VRK2: variants seen among roughly 807,000 people sequenced by gnomAD.
VRK2 encodes VRK serine/threonine kinase 2, also known as serine/threonine-protein kinase VRK2.
In VRK2, 60 loss-of-function variants were observed where a neutral mutation model predicts 57.6. The observed-to-expected ratio is 1.04, with a 90% CI of 0.85 to 1.29. The LOEUF (loss-of-function observed/expected upper bound fraction) is 1.29, where lower values mean the gene tolerates loss of function less well. Among genes scored for constraint, VRK2 ranks in the 50% most tolerant of loss-of-function variants. The pLI, the probability that VRK2 is intolerant of heterozygous loss-of-function variation, is 0.00. For missense variants in VRK2, 705 were observed against 588.1 expected (o/e 1.20, Z -2.06); for synonymous variants, 231 against 199.2 (o/e 1.16, Z -1.35).
chr2:57,974,470 A>G (rs1039630360), intron 1 of VRK2, among the ~76,000 whole-genome samples: 1 of 151,874 alleles, frequency 6.6e-6, no homozygotes, highest in Non-Finnish European at 1.5e-5. Flanking sequence ...TCAAAAAGGC[A>G]GACAGGCCAT....
chr2:58,137,051 ATG>A (rs1417470435), intron 10 of VRK2, among the ~76,000 whole-genome samples: 3 of 127,518 alleles, frequency 2.4e-5, no homozygotes, highest in Non-Finnish European at 3.1e-5. Flanking sequence ...TATAATATAT[ATG>A]TGTATATATC....
intron 1 of VRK2, among the ~76,000 whole-genome samples, chr2:57,909,815 A>G (rs533306625): frequency 5.9e-5 from 9 of 152,292 alleles, no homozygotes; most frequent in African/African-American, 2.2e-4. Context: ...TTGATATTGC[A>G]TACTTTCTGA....
At chr2:58,035,581 T>G (rs145215278) in intron 3 of VRK2, among the ~76,000 whole-genome samples, 1 of 152,200 alleles carries the variant, frequency 6.6e-6, no homozygotes, top group African/African-American at 2.4e-5. Flanking sequence ...GAATCAGCAC[T>G]GTCATAAATA....
At chr2:58,019,732 C>G (rs891037895) in intron 1 of VRK2, among the ~76,000 whole-genome samples, 3 of 152,198 alleles carry the variant, frequency 2.0e-5, no homozygotes, top group African/African-American at 7.2e-5. Context: ...AACTACTTCT[C>G]AGACAGTACT....
chr2:58,133,284 C>G (rs1679486955), intron 9 of VRK2, among the ~76,000 whole-genome samples: 1 of 151,916 alleles, frequency 6.6e-6, no homozygotes, highest in Admixed American at 6.6e-5. Context: ...GCTAATAAAT[C>G]AAGCATAACT....
chr2:58,118,236 C>T (rs566626569), intron 7 of VRK2, among the ~76,000 whole-genome samples: 10 of 152,206 alleles, frequency 6.6e-5, no homozygotes, highest in East Asian at 3.9e-4. Context: ...CCCAGAAAAG[C>T]GGGACTTGCC....
intron 3 of VRK2, among the ~76,000 whole-genome samples, chr2:58,038,570 C>T (rs1674347225): frequency 6.6e-6 from 1 of 152,052 alleles, no homozygotes; most frequent in Non-Finnish European, 1.5e-5. Context: ...ATCTGCCTAA[C>T]AAAACTTACT....
intron 1 of VRK2, among the ~76,000 whole-genome samples, chr2:57,945,561 T>C (rs1474600813): frequency 6.6e-6 from 1 of 152,202 alleles, no homozygotes; most frequent in African/African-American, 2.4e-5. Flanking sequence ...CTACTTGAAA[T>C]ATCTTTCCTA....
chr2:58,155,918 T>TTG (rs1051597173), intron 12 of VRK2, among the ~76,000 whole-genome samples: 3 of 119,538 alleles, frequency 2.5e-5, no homozygotes, highest in African/African-American at 1.2e-4. Context: ...GTTTTTCATG[T>TTG]TTGTTTTTTT....
chr2:57,951,767 A>G (rs1461979703), intron 1 of VRK2, among the ~76,000 whole-genome samples: 1 of 152,038 alleles, frequency 6.6e-6, no homozygotes, highest in Admixed American at 6.6e-5. Context: ...TTTTTTTCTG[A>G]GTTGTGGTCT....
intron 1 of VRK2, among the ~76,000 whole-genome samples, chr2:58,003,764 A>C (rs932739577): frequency 6.6e-6 from 1 of 152,122 alleles, no homozygotes; most frequent in Non-Finnish European, 1.5e-5. Flanking sequence ...GATTTCAGTT[A>C]TAATTCTAAT....
intron 10 of VRK2, among the ~76,000 whole-genome samples, chr2:58,137,107 A>C (rs1463615626): frequency 4.8e-5 from 5 of 103,410 alleles, no homozygotes; most frequent in Non-Finnish European, 7.6e-5. Context: ...TCATATATAT[A>C]ACATATATCA....
At chr2:58,065,247 A>T (rs1051025467) in intron 2 of VRK2, among the ~76,000 whole-genome samples, 1 of 152,202 alleles carries the variant, frequency 6.6e-6, no homozygotes, top group East Asian at 1.9e-4. Flanking sequence ...CATCACCCTA[A>T]AATCTTCCTC....
intron 10 of VRK2, among the ~76,000 whole-genome samples, chr2:58,137,157 T>TCATATATGATAC (rs1558686515): frequency 5.6e-5 from 3 of 53,690 alleles, no homozygotes; most frequent in African/African-American, 1.7e-4. Flanking sequence ...ATCATGTGTT[T>TCATATATGATAC]ATATATATCA....
intron 7 of VRK2, among the ~76,000 whole-genome samples, chr2:58,112,342 C>T (rs1675691850): frequency 1.3e-5 from 2 of 152,094 alleles, no homozygotes; most frequent in African/African-American, 4.8e-5. Context: ...ATAATAGAAC[C>T]TCAAAAGATA....
chr2:58,097,881 T>A (rs1673385461), intron 7 of VRK2, among the ~76,000 whole-genome samples: 1 of 151,336 alleles, frequency 6.6e-6, no homozygotes, highest in Non-Finnish European at 1.5e-5. Flanking sequence ...TTAGAGTATA[T>A]TCCTTCTACT....
chr2:58,141,802 G>A (rs146508058), intron 11 of VRK2, among the ~76,000 whole-genome samples: 20 of 151,928 alleles, frequency 1.3e-4, no homozygotes, highest in South Asian at 1.0e-3. Context: ...AGTATAAACC[G>A]TCCTGTTCCC....
chr2:57,936,945 T>C (rs913473225), intron 1 of VRK2, among the ~76,000 whole-genome samples: 4 of 152,188 alleles, frequency 2.6e-5, no homozygotes, highest in South Asian at 4.1e-4. Context: ...ACCAAGCTCC[T>C]TCCTTACCTG....
intron 1 of VRK2, among the ~76,000 whole-genome samples, chr2:58,020,647 A>C (rs1172700678): frequency 6.6e-6 from 1 of 152,278 alleles, no homozygotes; most frequent in African/African-American, 2.4e-5. Flanking sequence ...GAATGTCTCC[A>C]GACAGGCTCA....
Sources: gnomAD v4.1 joint callset for allele counts (sites outside exome capture counted in the v4.1 genomes callset) on GRCh38, gnomAD v4.1.1 for gene constraint, MANE v1.5 for transcripts, NCBI Gene and HGNC (gene_info 2026-07-23, HGNC 2026-07-21) for gene names.